Variants in POLR3H observed in about 807,000 individuals in gnomAD.
The protein encoded by POLR3H is RNA polymerase III subunit H.
POLR3H carries 17 observed loss-of-function variants against 25.5 expected under a neutral mutation model. That is an observed-to-expected ratio of 0.67 (90% CI 0.46 to 1.00). The LOEUF (loss-of-function observed/expected upper bound fraction) is 1.00. POLR3H is among the 50% of genes least tolerant of loss of function. The pLI is 0.00. For synonymous variants in POLR3H, 129 were observed against 103.0 expected, an observed-to-expected ratio of 1.25 and a Z score of -1.53; for missense variants, 274 against 265.0, an observed-to-expected ratio of 1.03 and a Z score of -0.24.
chr22:41,537,274 C>CT (rs1232414692), intron 2 of POLR3H, among the ~76,000 whole-genome samples: 2 of 151,748 alleles, frequency 1.3e-5, no homozygotes, highest in Non-Finnish European at 3.0e-5. Context: ...GAGGAAGGCT[C>CT]TATTACTGTT....
intron 4 of POLR3H, among the ~76,000 whole-genome samples, chr22:41,531,539 G>A (rs1409611139): frequency 6.6e-6 from 1 of 152,260 alleles, no homozygotes; most frequent in Non-Finnish European, 1.5e-5. Flanking sequence ...CAGGTCCCGT[G>A]CTGTGCACCG....
At position 41,527,127 on chromosome 22, in the gene POLR3H, A is replaced by T; in HGVS notation, c.*2156T>A. On this transcript the variant is annotated 3_prime_UTR_variant, in exon 6 of 6. Coordinates refer to ENST00000355209, the MANE Select transcript of POLR3H (RefSeq NM_001018050.4). ...TTTGGGTCTCATTCACGCAGGCTTC[A>T]CTTGCCCTTAGGCAGCAGGCGAGGA... The T allele has an allele frequency of 9.5e-7, 1 of 1,050,068 alleles. No individual in the cohort carries two copies. The highest frequency in any genetic ancestry group is 1.4e-6 in the Non-Finnish European group (1 of 729,440). 65.0% of individuals were successfully genotyped at this position (1,050,068 alleles called of 1,614,324 possible). A position where few individuals can be genotyped will look rare whatever the true frequency, so the allele number is the denominator to read the frequency against.
chr22:41,544,114 T>C lies in POLR3H; in HGVS notation c.-13A>G. ...CCAGGACGAACATCCCGGCCTGCGCTGGGGGCTCTGGGAACAGGAGGGTCA... is the reference window on the plus strand; with the variant it reads ...CCAGGACGAACATCCCGGCCTGCGCCGGGGGCTCTGGGAACAGGAGGGTCA... On this transcript the variant is annotated 5_prime_UTR_variant, in exon 1 of 6. Transcript: ENST00000355209. 4.5e-6 allele frequency: 7 copies of C among 1,553,404 alleles called. No homozygotes were observed. Among genetic ancestry groups the C allele is most frequent in the Non-Finnish European group, 6.2e-6 (7 of 1,126,562 alleles).
At position 41,528,796 on chromosome 22, in the gene POLR3H, T is replaced by A. The variant is rs1240303390; in HGVS notation, c.*487A>T. ...TGGGGGGGTTCTTAAAATAACTTTT[T>A]AGCCCCCGTCTTCCTATTTTGAGTT... On this transcript the variant is annotated 3_prime_UTR_variant, in exon 6 of 6. Transcript: ENST00000355209. 5 of 794,500 alleles carry A rather than the reference T, an allele frequency of 6.3e-6. No individual in the cohort carries two copies. Among genetic ancestry groups the A allele is most frequent in the Non-Finnish European group, 9.6e-6 (5 of 523,106 alleles). 49.2% of individuals were successfully genotyped at this position (794,500 alleles called of 1,614,324 possible).
At chr22:41,543,313 T>C (rs1301545198) in intron 1 of POLR3H, among the ~76,000 whole-genome samples, 1 of 152,026 alleles carries the variant, frequency 6.6e-6, no homozygotes, top group African/African-American at 2.4e-5. Context: ...TCTGTACTAC[T>C]AGAACTCTCC....
At position 41,540,617 on chromosome 22, in the gene POLR3H, T is replaced by TGAA. The variant is rs772349287; in HGVS notation, c.208+79_208+81dup. 3 of 1,081,734 alleles carry TGAA rather than the reference T, an allele frequency of 2.8e-6. No homozygotes were observed. The South Asian group carries it at 3.8e-5, about 14-fold the overall frequency. The allele number at this position is 1,081,734 out of a possible 1,614,324, so 67.0% of individuals were successfully genotyped here. A position where few individuals can be genotyped will look rare whatever the true frequency, so the allele number is the denominator to read the frequency against. ...CCTCAGCCTTACAGGCACGCACCAC[T>TGAA]GAACCTGGATTTGGCTTGACCTTTG... On this transcript the variant is annotated intron_variant, in intron 2 of 5. Coordinates refer to ENST00000355209, the MANE Select transcript of POLR3H (RefSeq NM_001018050.4).
At position 41,530,924 on chromosome 22, in the gene POLR3H, G is replaced by GCAACCCCTCAAAGC. The variant is rs757001990; in HGVS notation, c.360-37_360-36insGCTTTGAGGGGTTG. On this transcript the variant is annotated intron_variant, in intron 4 of 5. Coordinates refer to ENST00000355209, the MANE Select transcript of POLR3H (RefSeq NM_001018050.4). ...CCAGGGTCAAGGCAGCAACCAGATA[G>GCAACCCCTCAAAGC]TGGGAGGGGCTTCCCTCAGCACCCA... 1.9e-6 allele frequency: 3 copies of GCAACCCCTCAAAGC among 1,604,260 alleles called. No homozygotes were observed. In the South Asian group the frequency reaches 3.3e-5, roughly 18 times the overall value.
At chr22:41,530,473 C>G (rs1034896321) in intron 5 of POLR3H, among the ~76,000 whole-genome samples, 20 of 152,202 alleles carry the variant, frequency 1.3e-4, no homozygotes, top group African/African-American at 4.8e-4. Context: ...CTGACTCGCC[C>G]ACCCCACCAG....
intron 4 of POLR3H, 135 bp from the exon 5 acceptor site, chr22:41,531,023 C>T (rs2066720929): frequency 2.4e-6 from 2 of 827,846 alleles, no homozygotes; most frequent in Admixed American, 4.6e-5. Context: ...AAAAGCAGGT[C>T]CCAGCCCCAT....
At chr22:41,542,016 G>C (rs2066936691) in intron 1 of POLR3H, among the ~76,000 whole-genome samples, 1 of 148,768 alleles carries the variant, frequency 6.7e-6, no homozygotes, top group African/African-American at 2.5e-5. Context: ...CCACCCACCT[G>C]TCCAGCCCAC....
chr22:41,527,341 G>A lies in POLR3H; in HGVS notation c.*1942C>T, dbSNP rs757964630. ...GAGACGAGAACTACGGCGAGGGCTC[G>A]AGCCGGGAGCATGCAGCTCTGGAGC... On this transcript the variant is annotated 3_prime_UTR_variant, in exon 6 of 6. Transcript: ENST00000355209. The A allele has an allele frequency of 1.8e-5, 29 of 1,614,024 alleles. No homozygotes were observed. The highest frequency in any genetic ancestry group is 1.6e-4 in the Middle Eastern group (1 of 6,074).
intron 2 of POLR3H, among the ~76,000 whole-genome samples, chr22:41,537,767 A>G (rs533770107): frequency 6.6e-6 from 1 of 152,232 alleles, no homozygotes; most frequent in South Asian, 2.1e-4. Context: ...GGCTAATAAA[A>G]GCCAGCAGTA....
intron 1 of POLR3H, among the ~76,000 whole-genome samples, chr22:41,541,252 C>T (rs1454102947): frequency 6.6e-6 from 1 of 152,162 alleles, no homozygotes; most frequent in Non-Finnish European, 1.5e-5. Flanking sequence ...CCTAAACGTG[C>T]ACTCTCCGAC....
chr22:41,526,714 G>A lies in POLR3H; in HGVS notation c.*2569C>T. 2.3e-6 allele frequency: 1 copy of A among 435,114 alleles called. No individual in the cohort carries two copies. Among genetic ancestry groups the A allele is most frequent in the Non-Finnish European group, 4.1e-6 (1 of 242,856 alleles). 27.0% of individuals were successfully genotyped at this position (435,114 alleles called of 1,614,324 possible). A position where few individuals can be genotyped will look rare whatever the true frequency, so the allele number is the denominator to read the frequency against. On this transcript the variant is annotated 3_prime_UTR_variant, in exon 6 of 6. Coordinates refer to ENST00000355209, the MANE Select transcript of POLR3H (RefSeq NM_001018050.4). ...CTTAGGATATCTGGCCCTAGACAAA[G>A]ACAAGGAAGGGGGCCGACTCAGGAA...
At chr22:41,536,558 C>A in intron 2 of POLR3H, among the ~76,000 whole-genome samples, 1 of 147,570 alleles carries the variant, frequency 6.8e-6, no homozygotes, top group Non-Finnish European at 1.5e-5. Context: ...ATAAACATGT[C>A]AAAAAAGGTT....
intron 2 of POLR3H, among the ~76,000 whole-genome samples, chr22:41,535,960 ACT>A (rs2066835820): frequency 6.7e-6 from 1 of 149,988 alleles, no homozygotes; most frequent in Non-Finnish European, 1.5e-5. Context: ...ACAGAGTAAA[ACT>A]CTTGCATTTT....
At chr22:41,531,025 C>T (rs1354397624) in intron 4 of POLR3H, 137 bp from the exon 5 acceptor site, 1 of 799,242 alleles carries the variant, frequency 1.3e-6, no homozygotes, top group South Asian at 1.7e-5. Flanking sequence ...AAGCAGGTCC[C>T]AGCCCCATGC....
intron 2 of POLR3H, among the ~76,000 whole-genome samples, chr22:41,536,166 G>A (rs1319441324): frequency 6.6e-6 from 1 of 151,570 alleles, no homozygotes; most frequent in Admixed American, 6.6e-5. Context: ...CCCAAGGCGG[G>A]CGGATCACGA....
At chr22:41,532,509 C>A in intron 3 of POLR3H, 150 bp downstream of exon 3, 1 of 1,413,314 alleles carries the variant, frequency 7.1e-7, no homozygotes, top group Non-Finnish European at 9.6e-7. Flanking sequence ...TCACACAACA[C>A]ATAAAAGGGA....
Sources: allele counts gnomAD v4.1 joint callset (sites outside exome capture counted in the v4.1 genomes callset), GRCh38; gene constraint gnomAD v4.1.1; transcripts MANE v1.5; gene names NCBI Gene and HGNC (gene_info 2026-07-23, HGNC 2026-07-21).